Variants in KANSL1 observed in about 807,000 individuals in gnomAD.
KANSL1 encodes MLL1/MLL complex subunit KANSL1.
In KANSL1, 22 loss-of-function variants were observed where a neutral mutation model predicts 103.6. That is an observed-to-expected ratio of 0.21 (90% CI 0.15 to 0.30). KANSL1 has a LOEUF of 0.30. Ranked by LOEUF, KANSL1 falls within the 10% of genes least tolerant of loss-of-function variation. The pLI, the probability that KANSL1 is intolerant of heterozygous loss-of-function variation, is 1.00. For synonymous variants in KANSL1, 600 were observed against 527.6 expected, an observed-to-expected ratio of 1.14 and a Z score of -1.88; for missense variants, 1,337 against 1,399.8, an observed-to-expected ratio of 0.96 and a Z score of 0.72.
intron 2 of KANSL1, among the ~76,000 whole-genome samples, chr17:46,130,584 T>A (rs1288275260): frequency 1.3e-5 from 2 of 152,218 alleles, no homozygotes; most frequent in Non-Finnish European, 2.9e-5. Context: ...GAAACCTTGA[T>A]TAACCCCACC....
intron 3 of KANSL1, chr17:46,093,526 T>C (rs1465853554): frequency 6.6e-6 from 1 of 152,500 alleles, no homozygotes; most frequent in Non-Finnish European, 1.5e-5. Context: ...AAAGAAGCTA[T>C]AAGTCCGCAG....
At chr17:46,042,097 C>T (rs55649944) in intron 7 of KANSL1, 21,786 of 152,060 alleles carry the variant, frequency 0.14, 2,130 homozygotes, top group Non-Finnish European at 0.22. Context: ...TCAGTAGAGA[C>T]GGGGTTTCAC....
intron 3 of KANSL1, among the ~76,000 whole-genome samples, chr17:46,089,392 CAAA>C (rs2079290719): frequency 6.8e-6 from 1 of 147,378 alleles, no homozygotes; most frequent in African/African-American, 2.5e-5. Context: ...GCAGTAGTCA[CAAA>C]TACTTTTTTT....
At chr17:46,176,888 G>A (rs2046547356) in intron 1 of KANSL1, among the ~76,000 whole-genome samples, 1 of 152,094 alleles carries the variant, frequency 6.6e-6, no homozygotes, top group Admixed American at 6.5e-5. Context: ...GGGGAGGAGA[G>A]AGAGTGCAGA....
intron 1 of KANSL1, among the ~76,000 whole-genome samples, chr17:46,188,573 A>G (rs2147891083): frequency 6.6e-6 from 1 of 152,364 alleles, no homozygotes; most frequent in East Asian, 1.9e-4. Flanking sequence ...GTCTGGGGCC[A>G]TTTTACTTAA....
At chr17:46,221,120 T>C (rs975959811) in intron 1 of KANSL1, 2 of 152,058 alleles carry the variant, frequency 1.3e-5, no homozygotes, top group Non-Finnish European at 2.9e-5. Flanking sequence ...TTTCATCACT[T>C]AACTGTCTGC....
At chr17:46,091,901 C>G (rs2079406739) in intron 3 of KANSL1, among the ~76,000 whole-genome samples, 1 of 152,186 alleles carries the variant, frequency 6.6e-6, no homozygotes, top group Non-Finnish European at 1.5e-5. Context: ...TCACTGCACC[C>G]TGTCTCCCAG....
intron 1 of KANSL1, among the ~76,000 whole-genome samples, chr17:46,205,316 A>T (rs2047926813): frequency 6.6e-6 from 1 of 152,196 alleles, no homozygotes; most frequent in Non-Finnish European, 1.5e-5. Flanking sequence ...TTCTATACAC[A>T]AGCAATAAGC....
intron 1 of KANSL1, among the ~76,000 whole-genome samples, chr17:46,214,308 C>T (rs2048271426): frequency 6.6e-6 from 1 of 152,198 alleles, no homozygotes; most frequent in Non-Finnish European, 1.5e-5. Context: ...AGATGCATGT[C>T]CCAAGTCCAG....
At chr17:46,140,807 A>T (rs1363742445) in intron 2 of KANSL1, among the ~76,000 whole-genome samples, 1 of 152,254 alleles carries the variant, frequency 6.6e-6, no homozygotes, top group Admixed American at 6.5e-5. Flanking sequence ...GAGAAATTAA[A>T]ATCAAAACCA....
intron 7 of KANSL1, chr17:46,049,395 CCTG>C (rs963953184): frequency 5.3e-5 from 8 of 152,046 alleles, no homozygotes; most frequent in African/African-American, 1.9e-4. Context: ...GCCACCACGC[CCTG>C]CTAATTTTTG....
At chr17:46,050,746 T>C in intron 6 of KANSL1, 42 bp from the exon 7 acceptor site, 1 of 1,577,844 alleles carries the variant, frequency 6.3e-7, no homozygotes, top group Non-Finnish European at 8.7e-7. Flanking sequence ...CAGCATCTGA[T>C]AAAAAGCCAG....
At chr17:46,129,097 A>T (rs1216133702) in intron 2 of KANSL1, among the ~76,000 whole-genome samples, 2 of 152,128 alleles carry the variant, frequency 1.3e-5, no homozygotes, top group African/African-American at 4.8e-5. Flanking sequence ...AAGAAAAAAA[A>T]ATCTATTCAT....
intron 11 of KANSL1, 174 bp from the exon 12 acceptor site, chr17:46,033,634 T>C (rs780460758): frequency 7.4e-5 from 47 of 633,492 alleles, no homozygotes; most frequent in African/African-American, 5.5e-5. Flanking sequence ...GCCTGTGAAA[T>C]TGGCCACCTA....
chr17:46,097,162 A>G (rs1211673783), intron 2 of KANSL1, among the ~76,000 whole-genome samples: 1 of 152,234 alleles, frequency 6.6e-6, no homozygotes, highest in Non-Finnish European at 1.5e-5. Flanking sequence ...TAAATAAACT[A>G]TAATTTATTC....
At chr17:46,114,480 T>G (rs527239161) in intron 2 of KANSL1, among the ~76,000 whole-genome samples, 1 of 152,362 alleles carries the variant, frequency 6.6e-6, no homozygotes, top group African/African-American at 2.4e-5. Flanking sequence ...GAACTAAAAC[T>G]AGAAAAACTT....
At chr17:46,183,591 CAG>C (rs927853345) in intron 1 of KANSL1, among the ~76,000 whole-genome samples, 15 of 137,658 alleles carry the variant, frequency 1.1e-4, no homozygotes, top group East Asian at 4.1e-4. Context: ...AGAGAGGAGA[CAG>C]GGGAGAGGGG....
intron 2 of KANSL1, among the ~76,000 whole-genome samples, chr17:46,144,081 C>T (rs895236273): frequency 1.3e-5 from 2 of 152,104 alleles, no homozygotes; most frequent in Non-Finnish European, 2.9e-5. Context: ...GTTTTTATTA[C>T]TTTGTCATGG....
intron 2 of KANSL1, among the ~76,000 whole-genome samples, chr17:46,099,476 T>C (rs2042220894): frequency 6.6e-6 from 1 of 152,180 alleles, no homozygotes; most frequent in Non-Finnish European, 1.5e-5. Context: ...ACATTGAACA[T>C]TAGGGACATG....
Sources: gnomAD v4.1 joint callset for allele counts (sites outside exome capture counted in the v4.1 genomes callset) on GRCh38, gnomAD v4.1.1 for gene constraint, MANE v1.5 for transcripts, NCBI Gene and HGNC (gene_info 2026-07-23, HGNC 2026-07-21) for gene names.